USP6: variants seen among roughly 807,000 people sequenced by gnomAD.
The protein encoded by USP6 is ubiquitin specific peptidase 6.
A neutral mutation model predicts 175.7 loss-of-function variants in USP6; 128 were observed. The ratio of observed to expected loss-of-function variants is 0.73; its 90% CI spans 0.63 to 0.84. USP6 has a LOEUF of 0.84. Ranked by LOEUF, USP6 falls within the 40% of genes least tolerant of loss-of-function variation. The pLI is 0.00. For missense variants in USP6, 1,498 were observed against 1,760.3 expected, an observed-to-expected ratio of 0.85 and a Z score of 2.67; for synonymous variants, 562 against 630.6, an observed-to-expected ratio of 0.89 and a Z score of 1.63.
chr17:5,171,875 GAGTT>G (rs1318070690), intron 37 of USP6, among the ~76,000 whole-genome samples, 196 bp downstream of exon 37: 1 of 150,860 alleles, frequency 6.6e-6, no homozygotes, highest in Non-Finnish European at 1.5e-5. Context: ...GAAAAATAAA[GAGTT>G]AGTTGACCGG....
At chr17:5,172,354 A>AC (rs1369698509) in intron 37 of USP6, among the ~76,000 whole-genome samples, 7 of 150,744 alleles carry the variant, frequency 4.6e-5, no homozygotes, top group Non-Finnish European at 8.9e-5. Context: ...ATATGGTGAA[A>AC]CCCCATCTCT....
At chr17:5,128,072 G>A (rs1051302248) in intron 7 of USP6, among the ~76,000 whole-genome samples, 20 of 152,178 alleles carry the variant, frequency 1.3e-4, no homozygotes, top group African/African-American at 4.6e-4. Context: ...GCATCTGGAC[G>A]CCCTGTCTCA....
At chr17:5,151,233 C>G (rs1275961128) in intron 30 of USP6, among the ~76,000 whole-genome samples, 2 of 151,698 alleles carry the variant, frequency 1.3e-5, no homozygotes, top group African/African-American at 4.8e-5. Context: ...AAATTAAGTA[C>G]CTAGGAATAA....
At position 5,133,426 on chromosome 17, in the gene USP6, T is replaced by C. The variant is rs1229156084; in HGVS notation, c.277-17T>C. ...TCACCCCATGGCCTGTGACACCAGA[T>C]TCTTTTCTGCCCACAGCTCATAGAT... On this transcript the variant is annotated splice_polypyrimidine_tract_variant and intron_variant, in intron 13 of 37. Transcript: ENST00000574788. The C allele has an allele frequency of 4.4e-6, 7 of 1,604,406 alleles. No homozygotes were observed. In the African/African-American group the frequency reaches 9.4e-5, roughly 21 times the overall value.
intron 4 of USP6, among the ~76,000 whole-genome samples, chr17:5,123,900 C>T (rs555902764): frequency 2.7e-5 from 4 of 148,410 alleles, no homozygotes; most frequent in South Asian, 2.1e-4. Context: ...CAAGCACGCA[C>T]GTGCGCACAC....
At chr17:5,128,380 C>T (rs1597981203) in intron 7 of USP6, 2 of 152,246 alleles carry the variant, frequency 1.3e-5, no homozygotes, top group Non-Finnish European at 2.9e-5. Context: ...ACTAAAAAGA[C>T]GATTAGAGAT....
rs2073089012 is a variant in USP6, at chr17:5,132,150, C to T, written c.156-246C>T. On this transcript the variant is annotated intron_variant, in intron 11 of 37. Coordinates refer to ENST00000574788, the MANE Select transcript of USP6 (RefSeq NM_001304284.2). The surrounding 1 kb of genome is among the most constrained non-coding windows in gnomAD (Gnocchi z 4.7). ...GGGCAGCCCCACTGTGGCCTGACCA[C>T]CCCCCATGCCAGGGGCCCCAGTAAC... The T allele has an allele frequency of 1.4e-6, 2 of 1,416,872 alleles. No individual in the cohort carries two copies. The highest frequency in any genetic ancestry group is 1.3e-5 in the South Asian group (1 of 76,014). 87.8% of individuals were successfully genotyped at this position (1,416,872 alleles called of 1,614,324 possible).
intron 36 of USP6, 108 bp from the exon 37 acceptor site, chr17:5,171,479 C>T (rs2144189949): frequency 3.9e-6 from 4 of 1,031,852 alleles, no homozygotes; most frequent in Non-Finnish European, 5.4e-6. Flanking sequence ...ATTTTCTCAC[C>T]TATTGATCAT....
intron 33 of USP6, 68 bp downstream of exon 33, chr17:5,163,072 T>C (rs1423640290): frequency 2.7e-6 from 4 of 1,478,718 alleles, no homozygotes; most frequent in Non-Finnish European, 2.7e-6. Flanking sequence ...GTAACTATTA[T>C]GCCATTTCTG....
intron 32 of USP6, among the ~76,000 whole-genome samples, chr17:5,161,968 C>T (rs987896544): frequency 3.3e-5 from 5 of 152,062 alleles, no homozygotes; most frequent in Admixed American, 1.3e-4. Flanking sequence ...GCCAAGGTTG[C>T]GCCATTGCAC....
At chr17:5,119,346 A>G (rs1235830995) in intron 2 of USP6, among the ~76,000 whole-genome samples, 6 of 152,228 alleles carry the variant, frequency 3.9e-5, no homozygotes, top group Non-Finnish European at 8.8e-5. Flanking sequence ...GGACATTACT[A>G]CATTAGCTTC....
intron 31 of USP6, among the ~76,000 whole-genome samples, chr17:5,159,610 T>C (rs2073964098): frequency 6.6e-6 from 1 of 152,122 alleles, no homozygotes. Context: ...CATGTACAAG[T>C]GGCATAGGAA....
At position 5,171,597 on chromosome 17, in the gene USP6, G is replaced by A. The variant is rs2074218131; in HGVS notation, c.3965G>A (p.Gly1322Glu). ...TCTTATCTCTTACAGTGCCATTCAG[G>A]AATTCTGAGTGGGGGCCATTACATC... ...YNLYAISCHS[G>E]ILSGGHYITY... The change falls in exon 37 of 38, where the codon GGA becomes GAA. Residue 1322 changes from glycine (G) to glutamate (E), a missense_variant. By Grantham distance (98) the Gly-to-Glu change is moderately conservative (BLOSUM62 -2). This residue lies in a region of USP6 where 1,217 missense variants were observed against 1,500.8 expected (regional missense o/e 0.81). Coordinates refer to ENST00000574788, the MANE Select transcript of USP6 (RefSeq NM_001304284.2). The A allele has an allele frequency of 6.2e-7, 1 of 1,613,544 alleles. No homozygotes were observed. Among genetic ancestry groups the A allele is most frequent in the African/African-American group, 1.3e-5 (1 of 74,846 alleles).
At chr17:5,147,216 TTCTCA>T (rs767642558) in intron 29 of USP6, 22 bp downstream of exon 29, 1 of 1,582,108 alleles carries the variant, frequency 6.3e-7, no homozygotes, top group South Asian at 1.1e-5. Flanking sequence ...CTAGAACTCC[TTCTCA>T]TGACTGCACC....
At chr17:5,135,527 C>T (rs1290566596) in intron 16 of USP6, among the ~76,000 whole-genome samples, 2 of 152,210 alleles carry the variant, frequency 1.3e-5, no homozygotes, top group Non-Finnish European at 2.9e-5. Flanking sequence ...ACCACCACTT[C>T]TCAGAACAAG....
Position 5,116,346 on chromosome 17 carries a change from G to A in USP6, c.-2322G>A, listed in dbSNP as rs2072539201. ...CGCCTCACCACTCCCGGCTTCCCGG[G>A]GCTTAGGCCCGCACCATCGAGTCGA... is the stretch of plus-strand genomic sequence containing the variant. On this transcript the variant is annotated 5_prime_UTR_variant, in exon 1 of 38. Coordinates refer to ENST00000574788, the MANE Select transcript of USP6 (RefSeq NM_001304284.2). 1 of 137,810 alleles carries A rather than the reference G, an allele frequency of 7.3e-6. No individual in the cohort carries two copies. The highest frequency in any genetic ancestry group is 2.5e-5 in the African/African-American group (1 of 40,282). 8.5% of individuals were successfully genotyped at this position (137,810 alleles called of 1,614,324 possible).
At chr17:5,158,528 C>T (rs898558296) in intron 31 of USP6, among the ~76,000 whole-genome samples, 1 of 150,070 alleles carries the variant, frequency 6.7e-6, no homozygotes, top group Non-Finnish European at 1.5e-5. Context: ...GATCACACCA[C>T]TGTACTCCAG....
In USP6 at chr17:5,162,994, C is replaced by G. The variant is rs139732460; in HGVS notation, c.3026C>G (p.Ser1009Cys). ...GCCCTTCACCTTCGCTATCAAACAT[C>G]CCAGGAAAGGGTAAGAATTTAGGGC... ...PTALHLRYQTSQERVVDKHES... is the reference protein window; with the variant it reads ...PTALHLRYQTCQERVVDKHES... The change falls in exon 33 of 38, where the codon TCC becomes TGC. Residue 1009 changes from serine (S) to cysteine (C), a missense_variant. Ser to Cys is a moderately radical substitution (Grantham distance 112, BLOSUM62 -1). This residue lies in a region of USP6 where 1,217 missense variants were observed against 1,500.8 expected (regional missense o/e 0.81). Coordinates refer to ENST00000574788, the MANE Select transcript of USP6 (RefSeq NM_001304284.2). 6.3e-7 allele frequency: 1 copy of G among 1,581,170 alleles called. No homozygotes were observed. Among genetic ancestry groups the G allele is most frequent in the South Asian group, 1.2e-5 (1 of 83,384 alleles).
chr17:5,118,152 T>G (rs2072576468), intron 1 of USP6, 48 bp from the exon 2 acceptor site: 1 of 152,272 alleles, frequency 6.6e-6, no homozygotes, highest in African/African-American at 2.4e-5. Flanking sequence ...AGTCATGTGC[T>G]CTCTCCCTCA....
Sources: allele counts gnomAD v4.1 joint callset (sites outside exome capture counted in the v4.1 genomes callset), GRCh38; gene constraint gnomAD v4.1.1; regional missense constraint gnomAD v4.1.1; non-coding constraint Gnocchi (gnomAD v3.1); transcripts MANE v1.5; gene names NCBI Gene and HGNC (gene_info 2026-07-23, HGNC 2026-07-21).